TTLL5: variants seen among roughly 807,000 people sequenced by gnomAD.
TTLL5 encodes the protein tubulin polyglutamylase TTLL5.
In TTLL5, 132 loss-of-function variants were observed where a neutral mutation model predicts 168.4. The ratio of observed to expected loss-of-function variants is 0.78; its 90% CI spans 0.68 to 0.91. The LOEUF (loss-of-function observed/expected upper bound fraction) is 0.91, where lower values mean the gene tolerates loss of function less well. TTLL5 is among the 40% of genes least tolerant of loss of function. The pLI, the probability that TTLL5 is intolerant of heterozygous loss-of-function variation, is 0.00. For missense variants in TTLL5, 1,545 were observed against 1,581.5 expected (o/e 0.98, Z 0.39); for synonymous variants, 546 against 558.6 (o/e 0.98, Z 0.32).
chr14:75,862,731 A>T (rs1448628213), intron 28 of TTLL5, among the ~76,000 whole-genome samples: 1 of 151,854 alleles, frequency 6.6e-6, no homozygotes, highest in Non-Finnish European at 1.5e-5. Flanking sequence ...GCTTGAGCCC[A>T]GGAGTTTGAG....
intron 19 of TTLL5, among the ~76,000 whole-genome samples, chr14:75,765,430 C>G (rs750847752): frequency 3.9e-5 from 6 of 152,166 alleles, no homozygotes; most frequent in Non-Finnish European, 8.8e-5. Flanking sequence ...TAAAAAATCT[C>G]TAATACACTG....
chr14:75,771,048 A>G (rs530323542), intron 20 of TTLL5, among the ~76,000 whole-genome samples: 1 of 152,354 alleles, frequency 6.6e-6, no homozygotes, highest in East Asian at 1.9e-4. Context: ...TCCAAATGTA[A>G]AAAACATTTT....
chr14:75,891,020 A>G (rs1283455689), intron 30 of TTLL5, among the ~76,000 whole-genome samples: 2 of 151,976 alleles, frequency 1.3e-5, no homozygotes, highest in Non-Finnish European at 2.9e-5. Context: ...CACCTGGCCC[A>G]TTTTTCTGAA....
At chr14:75,673,021 C>T (rs894316660) in intron 3 of TTLL5, among the ~76,000 whole-genome samples, 5 of 151,990 alleles carry the variant, frequency 3.3e-5, no homozygotes, top group African/African-American at 1.2e-4. Context: ...TCACTGCAGC[C>T]TCAGACTTCT....
chr14:75,819,871 T>A, intron 27 of TTLL5, 136 bp from the exon 28 acceptor site: 2 of 855,938 alleles, frequency 2.3e-6, no homozygotes, highest in South Asian at 3.8e-5. Flanking sequence ...CCTTCCTGAG[T>A]GCCTTTGTCA....
At chr14:75,881,681 C>T (rs1394364626) in intron 29 of TTLL5, among the ~76,000 whole-genome samples, 1 of 152,160 alleles carries the variant, frequency 6.6e-6, no homozygotes, top group Non-Finnish European at 1.5e-5. Flanking sequence ...AAATGGAAAT[C>T]AATTGCCAGA....
chr14:75,949,965 A>G (rs1432310634), intron 31 of TTLL5, among the ~76,000 whole-genome samples: 2 of 152,244 alleles, frequency 1.3e-5, no homozygotes, highest in Middle Eastern at 3.4e-3. Flanking sequence ...TGAAATTTAT[A>G]TGAAAGAGAG....
intron 4 of TTLL5, among the ~76,000 whole-genome samples, chr14:75,682,956 A>G (rs1205021762): frequency 6.6e-6 from 1 of 151,936 alleles, no homozygotes; most frequent in African/African-American, 2.4e-5. Flanking sequence ...TTTTTTTTAT[A>G]GAGACAGGGT....
At position 75,813,326 on chromosome 14, in the gene TTLL5, G is replaced by A. The variant is rs576669442; in HGVS notation, c.3172-6681G>A. ...TGTGTGTGTGTGTGTGTTTGAGACA[G>A]CGTCTTGCTCTATTATCCAGGCTGG... On this transcript the variant is annotated intron_variant, in intron 27 of 31. Transcript: ENST00000298832. Among the ~76,000 whole-genome samples, 372 of 147,056 alleles carry A rather than the reference G, an allele frequency of 2.5e-3. 3 individuals carry two copies. The highest frequency in any genetic ancestry group is 8.9e-3 in the African/African-American group (356 of 39,860).
At chr14:75,793,655 G>A (rs939635396) in intron 27 of TTLL5, among the ~76,000 whole-genome samples, 1 of 152,150 alleles carries the variant, frequency 6.6e-6, no homozygotes. Flanking sequence ...TCAACAAGCT[G>A]GGTGGATAGA....
At chr14:75,935,707 TG>T (rs1237723464) in intron 31 of TTLL5, among the ~76,000 whole-genome samples, 2 of 152,186 alleles carry the variant, frequency 1.3e-5, no homozygotes, top group African/African-American at 4.8e-5. Flanking sequence ...CCCAACCCAC[TG>T]TAGATTATGC....
chr14:75,663,410 A>C (rs1387315370), intron 2 of TTLL5, among the ~76,000 whole-genome samples, 187 bp downstream of exon 2: 2 of 152,164 alleles, frequency 1.3e-5, no homozygotes, highest in Non-Finnish European at 2.9e-5. Flanking sequence ...CTTGTTACTC[A>C]GTCCCTATCA....
At chr14:75,888,414 G>T (rs2032224420) in intron 30 of TTLL5, among the ~76,000 whole-genome samples, 1 of 152,146 alleles carries the variant, frequency 6.6e-6, no homozygotes, top group African/African-American at 2.4e-5. Flanking sequence ...ATAACTGCTG[G>T]ATATTTCCCA....
In TTLL5 at chr14:75,775,515, C is replaced by G. The variant is rs1891666971; in HGVS notation, c.2168C>G (p.Ser723Ter). ...ELVVRFLKRA[S>*]NNLQHSLRMV... ...GTTGTTCGTTTCCTCAAGCGAGCAT[C>G]AAATAACCTCCAGCATTCACTGAGG... The change falls in exon 22 of 32, where the codon TCA (serine) becomes TGA (stop). Residue 723 changes from serine (S) to a stop codon, truncating the protein, a stop_gained. Transcript: ENST00000298832. LOFTEE classifies it high-confidence loss of function. 2 of 1,613,964 alleles carry G rather than the reference C, an allele frequency of 1.2e-6. No individual in the cohort carries two copies. The highest frequency in any genetic ancestry group is 1.7e-6 in the Non-Finnish European group (2 of 1,179,954).
chr14:75,878,990 T>TA lies in TTLL5; in HGVS notation c.3523-3687dup, dbSNP rs61124448. On this transcript the variant is annotated intron_variant, in intron 29 of 31. Transcript: ENST00000298832. The stretch of plus-strand genomic sequence containing the variant: ...TGTTGTGTAGGAATTTAGTTTTTGC[T>TA]AAAAAAAAGATGAATAGTTGGGATT... Among the ~76,000 whole-genome samples the TA allele has an allele frequency of 4.3e-3, 656 of 152,240 alleles. 4 individuals carry two copies. The highest frequency in any genetic ancestry group is 0.015 in the African/African-American group (639 of 41,526).
chr14:75,702,995 T>C (rs1358203861), intron 7 of TTLL5, among the ~76,000 whole-genome samples: 1 of 152,180 alleles, frequency 6.6e-6, no homozygotes, highest in Non-Finnish European at 1.5e-5. Context: ...TACTCTTCTC[T>C]CTCCTTACAC....
intron 9 of TTLL5, chr14:75,712,505 A>G (rs1887154301): frequency 6.7e-6 from 1 of 149,604 alleles, no homozygotes; most frequent in Admixed American, 6.7e-5. Context: ...GCAGGACAAA[A>G]AAAAAAAAAA....
intron 26 of TTLL5, among the ~76,000 whole-genome samples, chr14:75,790,457 T>C (rs956278211): frequency 6.6e-6 from 1 of 151,708 alleles, no homozygotes; most frequent in Admixed American, 6.6e-5. Context: ...CAACAGGAAT[T>C]TTCTTTCTTT....
intron 30 of TTLL5, among the ~76,000 whole-genome samples, chr14:75,900,055 C>A (rs970694528): frequency 1.3e-5 from 2 of 151,410 alleles, no homozygotes; most frequent in African/African-American, 4.9e-5. Flanking sequence ...TTTTTAACTT[C>A]TGTAAAGGAA....
Sources: allele counts gnomAD v4.1 joint callset (sites outside exome capture counted in the v4.1 genomes callset), GRCh38; gene constraint gnomAD v4.1.1; transcripts MANE v1.5; gene names NCBI Gene and HGNC (gene_info 2026-07-23, HGNC 2026-07-21).